MSRB3: variants seen among roughly 807,000 people sequenced by gnomAD.
MSRB3 encodes methionine sulfoxide reductase B3.
In MSRB3, 13 loss-of-function variants were observed where a neutral mutation model predicts 21.0. The ratio of observed to expected loss-of-function variants is 0.62; its 90% confidence interval spans 0.40 to 0.98. The LOEUF (loss-of-function observed/expected upper bound fraction) is 0.98. MSRB3 is among the 50% of genes least tolerant of loss of function. MSRB3 has a pLI of 0.00. For missense variants in MSRB3, 199 were observed against 230.3 expected (o/e 0.86, Z 0.88); for synonymous variants, 87 against 88.6 (o/e 0.98, Z 0.10).
intron 2 of MSRB3, 47 bp from the exon 3 acceptor site, chr12:65,326,779 G>T (rs1355081971): frequency 1.4e-5 from 21 of 1,464,838 alleles, no homozygotes; most frequent in Non-Finnish European, 3.8e-6. Context: ...AATTATTTAG[G>T]ATTCAAGCTA....
rs1482077336 is a variant in MSRB3 at position 65,351,030 on chromosome 12, C to T, written c.264-17968C>T. ...ATACATTTTTTTCAGCACCACACCACGCCTATTCCAAAATTGACCACATAG... is the reference window on the plus strand; with the variant it reads ...ATACATTTTTTTCAGCACCACACCATGCCTATTCCAAAATTGACCACATAG... On this transcript the variant is annotated intron_variant, in intron 4 of 6. Coordinates refer to ENST00000308259, the MANE Select transcript of MSRB3 (RefSeq NM_001031679.3). Among the ~76,000 whole-genome samples the T allele has an allele frequency of 5.1e-3, 781 of 151,876 alleles. 11 individuals are homozygous for T. The highest frequency in any genetic ancestry group is 0.017 in the African/African-American group (717 of 41,310).
intron 5 of MSRB3, among the ~76,000 whole-genome samples, chr12:65,377,487 A>G (rs1451564681): frequency 6.6e-6 from 1 of 151,848 alleles, no homozygotes; most frequent in African/African-American, 2.4e-5. Context: ...TTCAGTAGAG[A>G]TGGGGTTTCA....
chr12:65,396,118 T>G (rs1043700603), intron 5 of MSRB3, among the ~76,000 whole-genome samples: 1 of 152,230 alleles, frequency 6.6e-6, no homozygotes, highest in Non-Finnish European at 1.5e-5. Flanking sequence ...CTTTCTTCTT[T>G]TCTCATAAAT....
At chr12:65,291,498 AG>A (rs771461556) in intron 1 of MSRB3, among the ~76,000 whole-genome samples, 47 of 151,098 alleles carry the variant, frequency 3.1e-4, no homozygotes, top group Non-Finnish European at 5.8e-4. Flanking sequence ...AAAAAAAAAA[AG>A]CCTGCTCAAA....
rs1873775324 is a variant in MSRB3 at position 65,308,280 on chromosome 12, C to T, written c.-51-249C>T. Among the ~76,000 whole-genome samples, 3 of 152,170 alleles carry T rather than the reference C, an allele frequency of 2.0e-5. No homozygotes were observed. In the South Asian group the frequency reaches 6.2e-4, roughly 32 times the overall value. On this transcript the variant is annotated intron_variant, in intron 1 of 6. Transcript: ENST00000308259. ...ACTGTTTTTAAACTTCCTCTCTTTTCTCAACCTCTTGTAAACTGTGTTCAC... is the reference window on the plus strand; with the variant it reads ...ACTGTTTTTAAACTTCCTCTCTTTTTTCAACCTCTTGTAAACTGTGTTCAC...
intron 4 of MSRB3, among the ~76,000 whole-genome samples, chr12:65,334,193 A>G (rs895631948): frequency 2.6e-5 from 4 of 152,314 alleles, no homozygotes; most frequent in African/African-American, 4.8e-5. Context: ...CTCATTTTCT[A>G]TAGGTTCACT....
At chr12:65,291,996 G>C (rs889503862) in intron 1 of MSRB3, among the ~76,000 whole-genome samples, 1 of 152,204 alleles carries the variant, frequency 6.6e-6, no homozygotes. Context: ...CAGTGGTTCA[G>C]ATAGGAATTG....
intron 1 of MSRB3, among the ~76,000 whole-genome samples, chr12:65,294,020 T>C (rs1872808318): frequency 6.6e-6 from 1 of 152,156 alleles, no homozygotes; most frequent in African/African-American, 2.4e-5. Flanking sequence ...GAGATAGTGT[T>C]CTGGGGTTGA....
chr12:65,336,000 T>A (rs1191077898), intron 4 of MSRB3, among the ~76,000 whole-genome samples: 1 of 152,230 alleles, frequency 6.6e-6, no homozygotes. Context: ...AAAGTTGTGT[T>A]ATAGCTGAGT....
In MSRB3 at chr12:65,369,024, C is replaced by A; in HGVS notation, c.290C>A (p.Ser97Ter). Residue 97 changes from serine (S) to a stop codon, truncating the protein, a stop_gained and splice_region_variant, in exon 5 of 7, where the codon TCA becomes TAA. Coordinates refer to ENST00000308259, the MANE Select transcript of MSRB3 (RefSeq NM_001031679.3). LOFTEE classifies it high-confidence loss of function. ...TCAGAAACCAAATTTGACTCCGGTT[C>A]AGGTATGTTTACATTAATAATGCTC... is the stretch of plus-strand genomic sequence containing the variant. ...FKSETKFDSG[S>*]GWPSFHDVIN... 6.7e-7 allele frequency: 1 copy of A among 1,499,932 alleles called. No homozygotes were observed. The highest frequency in any genetic ancestry group is 9.1e-7 in the Non-Finnish European group (1 of 1,104,522). 92.9% of individuals were successfully genotyped at this position (1,499,932 alleles called of 1,614,324 possible).
intron 5 of MSRB3, among the ~76,000 whole-genome samples, chr12:65,393,835 G>A (rs934997617): frequency 2.0e-5 from 3 of 151,708 alleles, no homozygotes; most frequent in Admixed American, 6.6e-5. Context: ...TTGATGTGTG[G>A]GTATGGATGT....
At chr12:65,419,959 C>T (rs1881199066) in intron 5 of MSRB3, 2 of 569,806 alleles carry the variant, frequency 3.5e-6, no homozygotes, top group Admixed American at 2.1e-5. Context: ...TAGCTGGGCA[C>T]CTGGATGGAG....
At chr12:65,448,376 G>C (rs771970175) in intron 5 of MSRB3, among the ~76,000 whole-genome samples, 16 of 152,084 alleles carry the variant, frequency 1.1e-4, no homozygotes, top group Non-Finnish European at 2.2e-4. Flanking sequence ...TTACATTCTA[G>C]TTCAAGAGGC....
intron 5 of MSRB3, among the ~76,000 whole-genome samples, chr12:65,386,622 C>A (rs1458551629): frequency 6.6e-6 from 1 of 151,812 alleles, no homozygotes; most frequent in Non-Finnish European, 1.5e-5. Context: ...TAAATAGATA[C>A]CTGGTTTAGC....
At position 65,366,504 on chromosome 12, in the gene MSRB3, T is replaced by C. The variant is rs947271177; in HGVS notation, c.264-2494T>C. Among the ~76,000 whole-genome samples the C allele has an allele frequency of 1.7e-4, 26 of 152,086 alleles. No individual in the cohort carries two copies. The East Asian group carries it at 1.9e-3, about 11-fold the overall frequency. On this transcript the variant is annotated intron_variant, in intron 4 of 6. Transcript: ENST00000308259. ...CAGAGCAAAAGCTTCTTGCTCATCATTGGTGGATCTAAAGGGAAGGAGAAC... is the reference window on the plus strand; with the variant it reads ...CAGAGCAAAAGCTTCTTGCTCATCACTGGTGGATCTAAAGGGAAGGAGAAC...
At chr12:65,410,686 T>C (rs1229995327) in intron 5 of MSRB3, among the ~76,000 whole-genome samples, 1 of 152,132 alleles carries the variant, frequency 6.6e-6, no homozygotes, top group Non-Finnish European at 1.5e-5. Context: ...TTGTGTAATC[T>C]TGGGAAATTG....
chr12:65,279,097 C>A, intron 1 of MSRB3: 1 of 1,389,250 alleles, frequency 7.2e-7, no homozygotes, highest in African/African-American at 1.5e-5. Flanking sequence ...CCCCCACCCG[C>A]CGAAGGGAGG....
At chr12:65,427,987 C>T (rs1231356384) in intron 5 of MSRB3, among the ~76,000 whole-genome samples, 1 of 152,186 alleles carries the variant, frequency 6.6e-6, no homozygotes, top group African/African-American at 2.4e-5. Flanking sequence ...TGTGAGGACT[C>T]AAGAGGTGTC....
chr12:65,455,405 G>A (rs1333305905), intron 6 of MSRB3, among the ~76,000 whole-genome samples: 1 of 152,162 alleles, frequency 6.6e-6, no homozygotes, highest in Admixed American at 6.5e-5. Context: ...ACTTTCTGGT[G>A]CTGGGTTTCA....
Sources: allele counts gnomAD v4.1 joint callset (sites outside exome capture counted in the v4.1 genomes callset), GRCh38; gene constraint gnomAD v4.1.1; transcripts MANE v1.5; gene names NCBI Gene and HGNC (gene_info 2026-07-23, HGNC 2026-07-21).